Variants in RAB11FIP4 observed in about 807,000 individuals in gnomAD.
RAB11FIP4 encodes the protein rab11 family-interacting protein 4.
A neutral mutation model predicts 74.3 loss-of-function variants in RAB11FIP4; 23 were observed. The ratio of observed to expected loss-of-function variants is 0.31; its 90% CI spans 0.22 to 0.44. RAB11FIP4 has a LOEUF of 0.44. Among genes scored for constraint, RAB11FIP4 ranks in the 20% least tolerant of loss-of-function variants. The probability of loss-of-function intolerance (pLI) is 1.00; values close to 1 mark genes in which losing one functional copy is unlikely to be tolerated. For synonymous variants in RAB11FIP4, 360 were observed against 359.9 expected, an observed-to-expected ratio of 1.00 and a Z score of 0.00; for missense variants, 630 against 863.9, an observed-to-expected ratio of 0.73 and a Z score of 3.39.
intron 13 of RAB11FIP4, 44 bp downstream of exon 13, chr17:31,528,822 G>A (rs770796341): frequency 3.8e-6 from 6 of 1,574,492 alleles, no homozygotes; most frequent in East Asian, 4.5e-5. Context: ...GGGTGGCCGG[G>A]CCCACCACGT....
intron 10 of RAB11FIP4, 103 bp downstream of exon 10, chr17:31,525,333 TGAGGG>T: frequency 2.5e-6 from 3 of 1,217,220 alleles, no homozygotes; most frequent in East Asian, 2.6e-5. Flanking sequence ...AATGTGAGGC[TGAGGG>T]GCAGCCTCTT....
rs2072888194 is a variant in RAB11FIP4, at chr17:31,532,455, T to A, written c.*723T>A. 6.5e-6 allele frequency: 1 copy of A among 152,710 alleles called. No homozygotes were observed. The highest frequency in any genetic ancestry group is 2.4e-5 in the African/African-American group (1 of 41,452). 9.5% of individuals were successfully genotyped at this position (152,710 alleles called of 1,614,324 possible). On this transcript the variant is annotated 3_prime_UTR_variant, in exon 15 of 15. Transcript: ENST00000621161. ...TGCTACCTACCTCCCCGTTTCTGTT[T>A]CAGTTTTAAGACAATGAAGCAGCAT...
At chr17:31,476,341 C>T (rs926013491) in intron 3 of RAB11FIP4, among the ~76,000 whole-genome samples, 5 of 151,972 alleles carry the variant, frequency 3.3e-5, no homozygotes, top group East Asian at 1.9e-4. Context: ...CGTGCCATCA[C>T]GCCCAGCTAA....
At chr17:31,497,394 G>A (rs978696121) in intron 3 of RAB11FIP4, among the ~76,000 whole-genome samples, 2 of 152,082 alleles carry the variant, frequency 1.3e-5, no homozygotes, top group African/African-American at 4.8e-5. Flanking sequence ...ACTGCTTTGT[G>A]CTTGTTTAGG....
In RAB11FIP4 at chr17:31,434,098, A is replaced by G. The variant is rs1298413642; in HGVS notation, c.312A>G (p.Pro104=). 1.3e-6 allele frequency: 2 copies of G among 1,584,358 alleles called. No homozygotes were observed. Among genetic ancestry groups the G allele is most frequent in the Middle Eastern group, 1.7e-4 (1 of 6,042 alleles). Residue 104 remains proline (P), a synonymous_variant, in exon 3 of 15, where the codon CCA becomes CCG. Transcript: ENST00000621161. ...VESAGTLPCA[P]EIPDCVEQGS... ...GCGCGGGGACGCTGCCGTGCGCGCC[A>G]GAGATCCCAGACTGCGTGGAGCAGG...
intron 4 of RAB11FIP4, 68 bp downstream of exon 4, chr17:31,517,945 T>C: frequency 7.7e-7 from 1 of 1,298,542 alleles, no homozygotes; most frequent in Non-Finnish European, 1.1e-6. Context: ...TTGGAAAGTG[T>C]CTCCAGGAAG....
At chr17:31,475,624 T>G (rs1040443951) in intron 3 of RAB11FIP4, among the ~76,000 whole-genome samples, 1 of 152,168 alleles carries the variant, frequency 6.6e-6, no homozygotes, top group Non-Finnish European at 1.5e-5. Context: ...TCGCAGAGCC[T>G]TTGTGATCAT....
At chr17:31,505,510 A>AT (rs2072311447) in intron 3 of RAB11FIP4, among the ~76,000 whole-genome samples, 3 of 61,566 alleles carry the variant, frequency 4.9e-5, no homozygotes, top group Admixed American at 2.6e-4. Flanking sequence ...TATATTATAT[A>AT]TAATAATTAT....
At chr17:31,406,504 GA>G (rs2071042879) in intron 1 of RAB11FIP4, among the ~76,000 whole-genome samples, 1 of 152,254 alleles carries the variant, frequency 6.6e-6, no homozygotes, top group Non-Finnish European at 1.5e-5. Flanking sequence ...CTCCAGGCAC[GA>G]GGGTGCTGTT....
At chr17:31,467,041 T>TG (rs1381019677) in intron 3 of RAB11FIP4, among the ~76,000 whole-genome samples, 1 of 152,206 alleles carries the variant, frequency 6.6e-6, no homozygotes, top group African/African-American at 2.4e-5. Context: ...GAGAAGAAAA[T>TG]GGAGTTAAGG....
At chr17:31,495,296 A>G (rs941366955) in intron 3 of RAB11FIP4, among the ~76,000 whole-genome samples, 9 of 148,472 alleles carry the variant, frequency 6.1e-5, no homozygotes, top group African/African-American at 2.2e-4. Flanking sequence ...CTATAGCTCC[A>G]CTCAGGCGAA....
intron 5 of RAB11FIP4, among the ~76,000 whole-genome samples, chr17:31,521,676 C>T (rs949304960): frequency 2.6e-5 from 4 of 152,108 alleles, no homozygotes; most frequent in African/African-American, 9.7e-5. Context: ...ACCTGAGTCA[C>T]CACTTTCTCT....
chr17:31,530,316 C>T lies in RAB11FIP4; in HGVS notation c.1654-10C>T. 1 of 1,613,314 alleles carries T rather than the reference C, an allele frequency of 6.2e-7. No homozygotes were observed. Among genetic ancestry groups the T allele is most frequent in the Non-Finnish European group, 8.5e-7 (1 of 1,179,432 alleles). ...TGGGGTTGATGTCGCCTTCGTCCTT[C>T]TCTCTGTAGGAGAATTATAAGCTGC... On this transcript the variant is annotated splice_polypyrimidine_tract_variant and intron_variant, in intron 13 of 14. Coordinates refer to ENST00000621161, the MANE Select transcript of RAB11FIP4 (RefSeq NM_032932.6).
chr17:31,494,078 A>G lies in RAB11FIP4; in HGVS notation c.337-23573A>G, dbSNP rs143668292. On this transcript the variant is annotated intron_variant, in intron 3 of 14. Transcript: ENST00000621161. ...GGTGATGGTGAAAATAAAATGAGCCATGGTGATTTAAGATGCCCAGTCTAG... is the reference window on the plus strand; with the variant it reads ...GGTGATGGTGAAAATAAAATGAGCCGTGGTGATTTAAGATGCCCAGTCTAG... Among the ~76,000 whole-genome samples the G allele has an allele frequency of 5.2e-3, 787 of 152,264 alleles. 5 individuals are homozygous for G. Among genetic ancestry groups the G allele is most frequent in the African/African-American group, 0.018 (737 of 41,536 alleles).
intron 3 of RAB11FIP4, among the ~76,000 whole-genome samples, chr17:31,471,229 AT>A (rs35208927): frequency 0.019 from 2,672 of 139,798 alleles, 53 homozygotes; most frequent in African/African-American, 0.062. Flanking sequence ...TGCCCAGCTA[AT>A]TTTTTTTTTT....
intron 1 of RAB11FIP4, among the ~76,000 whole-genome samples, chr17:31,409,182 A>G (rs2071070121): frequency 6.6e-6 from 1 of 152,014 alleles, no homozygotes; most frequent in Non-Finnish European, 1.5e-5. Context: ...TTTCCTTATA[A>G]TTTTTTACAG....
At chr17:31,525,446 C>G (rs1265254288) in intron 10 of RAB11FIP4, 1 of 582,482 alleles carries the variant, frequency 1.7e-6, no homozygotes, top group Non-Finnish European at 3.0e-6. Context: ...AGGAGCGTGG[C>G]TCACATTTGG....
chr17:31,471,401 A>G (rs1178044514), intron 3 of RAB11FIP4, among the ~76,000 whole-genome samples: 2 of 152,038 alleles, frequency 1.3e-5, no homozygotes, highest in East Asian at 3.8e-4. Flanking sequence ...GGATTATAAT[A>G]TTTGGTCACA....
chr17:31,467,624 C>T (rs537333684), intron 3 of RAB11FIP4, among the ~76,000 whole-genome samples: 12 of 152,218 alleles, frequency 7.9e-5, no homozygotes, highest in African/African-American at 2.9e-4. Flanking sequence ...TGAAACTCTC[C>T]ACCTGGGGAG....
Sources: gnomAD v4.1 joint callset for allele counts (sites outside exome capture counted in the v4.1 genomes callset) on GRCh38, gnomAD v4.1.1 for gene constraint, MANE v1.5 for transcripts, NCBI Gene and HGNC (gene_info 2026-07-23, HGNC 2026-07-21) for gene names.